TTC29: variants seen among roughly 807,000 people sequenced by gnomAD.
TTC29 encodes the protein tetratricopeptide repeat protein 29.
In TTC29, 49 loss-of-function variants were observed where a neutral mutation model predicts 58.1. The observed-to-expected ratio is 0.84, with a 90% confidence interval of 0.67 to 1.07. The LOEUF (loss-of-function observed/expected upper bound fraction) is 1.07. TTC29 is among the 50% of genes least tolerant of loss of function. TTC29 has a pLI of 0.00. For missense variants in TTC29, 582 were observed against 555.6 expected (o/e 1.05, Z -0.48); for synonymous variants, 209 against 196.8 (o/e 1.06, Z -0.52).
At chr4:146,834,292 A>C (rs77624372) in intron 8 of TTC29, among the ~76,000 whole-genome samples, 4 of 152,110 alleles carry the variant, frequency 2.6e-5, no homozygotes, top group Non-Finnish European at 4.4e-5. Context: ...TTTCTTTCTA[A>C]AAATAGCTAT....
At chr4:146,789,498 T>A (rs1001047044) in intron 11 of TTC29, among the ~76,000 whole-genome samples, 13 of 152,210 alleles carry the variant, frequency 8.5e-5, no homozygotes. Flanking sequence ...GCCTAAGGCT[T>A]ATTGTGAAGT....
chr4:146,896,778 G>A (rs981089049), intron 6 of TTC29, among the ~76,000 whole-genome samples: 1 of 152,000 alleles, frequency 6.6e-6, no homozygotes, highest in Non-Finnish European at 1.5e-5. Flanking sequence ...TTTTCATTGT[G>A]TCAATTTCAC....
intron 11 of TTC29, among the ~76,000 whole-genome samples, chr4:146,723,955 C>T (rs1743570338): frequency 6.6e-6 from 1 of 152,082 alleles, no homozygotes; most frequent in South Asian, 2.1e-4. Context: ...TTCAGAATAC[C>T]AAAGACATGG....
intron 11 of TTC29, among the ~76,000 whole-genome samples, chr4:146,789,279 T>C (rs149313704): frequency 0.012 from 1,788 of 152,314 alleles, 28 homozygotes; most frequent in Non-Finnish European, 0.018. Context: ...CTTAAAATAC[T>C]GAAAAATTCA....
At chr4:146,718,603 G>A (rs1354669857) in intron 11 of TTC29, among the ~76,000 whole-genome samples, 1 of 151,972 alleles carries the variant, frequency 6.6e-6, no homozygotes, top group Non-Finnish European at 1.5e-5. Context: ...TTATATGTTG[G>A]TTATTAATCC....
intron 11 of TTC29, among the ~76,000 whole-genome samples, chr4:146,798,062 C>A (rs1749950263): frequency 2.6e-5 from 4 of 151,872 alleles, no homozygotes; most frequent in Admixed American, 2.6e-4. Flanking sequence ...TAATCTGCTG[C>A]TAATCCCATT....
intron 11 of TTC29, among the ~76,000 whole-genome samples, chr4:146,708,357 C>CATATATATATATATAT (rs1561047198): frequency 5.9e-5 from 1 of 16,812 alleles, no homozygotes; most frequent in East Asian, 2.6e-3. Flanking sequence ...TATATATATA[C>CATATATATATATATAT]ACATGTATGT....
At chr4:146,811,060 A>G (rs1750991408) in intron 10 of TTC29, among the ~76,000 whole-genome samples, 1 of 152,178 alleles carries the variant, frequency 6.6e-6, no homozygotes, top group Non-Finnish European at 1.5e-5. Flanking sequence ...TGTCACTAGC[A>G]CCAATCAAAT....
Position 146,811,604 on chromosome 4 carries a change from G to A in TTC29, c.1102-7919C>T, listed in dbSNP as rs72958226. Among the ~76,000 whole-genome samples, 1,123 of 152,230 alleles carry A rather than the reference G, an allele frequency of 7.4e-3. 14 individuals carry two copies. Among genetic ancestry groups the A allele is most frequent in the African/African-American group, 0.026 (1,070 of 41,518 alleles). On this transcript the variant is annotated intron_variant, in intron 10 of 12. Transcript: ENST00000325106. Reference sequence around the variant, plus strand: ...CCCTTACATGGGAGAAAGTTTTGCCGTATGAGTTGTTGTCAGTTTCTAATA... The same window carrying A: ...CCCTTACATGGGAGAAAGTTTTGCCATATGAGTTGTTGTCAGTTTCTAATA...
chr4:146,886,727 C>A (rs1038258379), intron 6 of TTC29, among the ~76,000 whole-genome samples: 1 of 152,090 alleles, frequency 6.6e-6, no homozygotes, highest in Non-Finnish European at 1.5e-5. Context: ...GAACAAAAAA[C>A]TCAGAAGGTT....
chr4:146,861,260 G>C (rs1200758553), intron 8 of TTC29, among the ~76,000 whole-genome samples: 1 of 152,004 alleles, frequency 6.6e-6, no homozygotes, highest in Non-Finnish European at 1.5e-5. Flanking sequence ...TGTGATTCTT[G>C]GTAAAATATT....
intron 11 of TTC29, among the ~76,000 whole-genome samples, chr4:146,803,251 T>C (rs1750358910): frequency 6.6e-6 from 1 of 151,914 alleles, no homozygotes; most frequent in South Asian, 2.1e-4. Flanking sequence ...CACCACATTA[T>C]TACCACTATT....
chr4:146,806,444 G>C (rs1472258989), intron 10 of TTC29, among the ~76,000 whole-genome samples: 2 of 152,176 alleles, frequency 1.3e-5, no homozygotes, highest in African/African-American at 4.8e-5. Flanking sequence ...TGGCAAATTT[G>C]ATAAAGACTG....
intron 6 of TTC29, among the ~76,000 whole-genome samples, chr4:146,877,642 A>G (rs562806335): frequency 6.6e-6 from 1 of 152,168 alleles, no homozygotes; most frequent in South Asian, 2.1e-4. Flanking sequence ...GAAGTATAGC[A>G]CTGTAGCCCT....
chr4:146,748,616 C>T (rs898343398), intron 11 of TTC29, among the ~76,000 whole-genome samples: 5 of 152,206 alleles, frequency 3.3e-5, no homozygotes, highest in African/African-American at 7.2e-5. Context: ...CAATGAGGCA[C>T]CTGCAGTCCT....
chr4:146,819,131 A>C (rs1188210654), intron 10 of TTC29, among the ~76,000 whole-genome samples: 4 of 151,008 alleles, frequency 2.6e-5, no homozygotes, highest in African/African-American at 7.3e-5. Context: ...TAAATAAATA[A>C]ATAATAAAAA....
chr4:146,766,703 A>G (rs1747349099), intron 11 of TTC29, among the ~76,000 whole-genome samples: 1 of 152,084 alleles, frequency 6.6e-6, no homozygotes, highest in Non-Finnish European at 1.5e-5. Flanking sequence ...TAGGTTTTAT[A>G]AGATCTTTGG....
At chr4:146,742,823 T>C (rs967061183) in intron 11 of TTC29, among the ~76,000 whole-genome samples, 6 of 150,794 alleles carry the variant, frequency 4.0e-5, no homozygotes, top group Non-Finnish European at 7.4e-5. Flanking sequence ...AAATAGTTGA[T>C]CTCAGTATTA....
chr4:146,868,250 A>G (rs1040653571), intron 7 of TTC29, among the ~76,000 whole-genome samples: 2 of 152,140 alleles, frequency 1.3e-5, no homozygotes, highest in Non-Finnish European at 2.9e-5. Flanking sequence ...GAGGGGTAGC[A>G]TTAGGAGATA....
Sources: allele counts gnomAD v4.1 joint callset (sites outside exome capture counted in the v4.1 genomes callset), GRCh38; gene constraint gnomAD v4.1.1; transcripts MANE v1.5; gene names NCBI Gene and HGNC (gene_info 2026-07-23, HGNC 2026-07-21).